The following PDE4D variants were observed in gnomAD, a reference collection of about 807,000 sequenced individuals.
PDE4D encodes the protein 3',5'-cyclic-AMP phosphodiesterase 4D.
Under a neutral mutation model 87.4 loss-of-function variants are expected in PDE4D, and 24 were observed. That is an observed-to-expected ratio of 0.27 (90% CI 0.20 to 0.39). The LOEUF (loss-of-function observed/expected upper bound fraction) is 0.39. Among genes scored for constraint, PDE4D ranks in the 10% least tolerant of loss-of-function variants. PDE4D has a pLI of 1.00. For missense variants in PDE4D, 714 were observed against 1,041.0 expected (o/e 0.69, Z 4.32); for synonymous variants, 384 against 383.2 (o/e 1.00, Z -0.02).
intron 1 of PDE4D, among the ~76,000 whole-genome samples, chr5:59,783,357 C>G (rs1764813681): frequency 6.6e-6 from 1 of 152,148 alleles, no homozygotes. Context: ...TTGGAGCCAT[C>G]CCAGGTTGAG....
At chr5:59,937,833 A>T (rs987133609) in intron 3 of PDE4D, among the ~76,000 whole-genome samples, 2 of 152,190 alleles carry the variant, frequency 1.3e-5, no homozygotes, top group Admixed American at 6.5e-5. Flanking sequence ...TGGAGTTTCA[A>T]TTTGAATCAT....
At chr5:59,785,119 A>G (rs1278013748) in intron 1 of PDE4D, among the ~76,000 whole-genome samples, 1 of 152,198 alleles carries the variant, frequency 6.6e-6, no homozygotes, top group Non-Finnish European at 1.5e-5. Flanking sequence ...TACTCAATAC[A>G]AAGAAATCCT....
intron 1 of PDE4D, among the ~76,000 whole-genome samples, chr5:60,458,379 T>G (rs542430323): frequency 1.7e-3 from 210 of 124,902 alleles, no homozygotes; most frequent in Non-Finnish European, 2.1e-3. Flanking sequence ...AGGGTGAGAC[T>G]TCATTGCAAA....
intron 1 of PDE4D, among the ~76,000 whole-genome samples, chr5:60,197,521 G>A (rs1028183745): frequency 1.3e-5 from 2 of 151,548 alleles, no homozygotes; most frequent in Non-Finnish European, 3.0e-5. Context: ...TTAAAGTAAA[G>A]ATCAAAGAGA....
At chr5:59,035,181 C>T (rs1758287722) in intron 6 of PDE4D, among the ~76,000 whole-genome samples, 1 of 152,198 alleles carries the variant, frequency 6.6e-6, no homozygotes. Context: ...GGCACATTGA[C>T]CACTAACCCT....
chr5:60,350,945 T>C (rs531442117), intron 1 of PDE4D, among the ~76,000 whole-genome samples: 10 of 152,246 alleles, frequency 6.6e-5, no homozygotes, highest in Non-Finnish European at 8.8e-5. Context: ...TCAGAGGCTG[T>C]GTGCCAAAGA....
Position 58,974,681 on chromosome 5 carries a change from G to A in PDE4D, c.2413C>T (p.Arg805Cys), listed in dbSNP as rs748667285. The change falls in exon 15 of 15, where the codon CGT becomes TGT. Residue 805 changes from arginine to cysteine, a missense_variant. By Grantham distance (180) the Arg-to-Cys change is radical. This residue lies in a region of PDE4D where 90 missense variants were observed against 95.3 expected (regional missense o/e 0.94). Coordinates refer to ENST00000340635, the MANE Select transcript of PDE4D (RefSeq NM_001104631.2). ...SQPEACVIDD[R>C]SPDT ...TTGCACTGTTACGTGTCAGGAGAACGATCATCTATGACACAGGCTTCAGGC... is the reference window on the plus strand; with the variant it reads ...TTGCACTGTTACGTGTCAGGAGAACAATCATCTATGACACAGGCTTCAGGC... 1.1e-5 allele frequency: 17 copies of A among 1,571,230 alleles called. No individual in the cohort carries two copies. Among genetic ancestry groups the A allele is most frequent in the African/African-American group, 9.6e-5 (7 of 72,782 alleles).
chr5:60,140,355 T>C (rs930047187), intron 2 of PDE4D, among the ~76,000 whole-genome samples: 2 of 152,030 alleles, frequency 1.3e-5, no homozygotes, highest in South Asian at 2.1e-4. Flanking sequence ...AATTGAATTA[T>C]AGAATTTGCA....
intron 1 of PDE4D, among the ~76,000 whole-genome samples, chr5:60,473,736 T>A (rs1163227610): frequency 6.6e-6 from 1 of 151,956 alleles, no homozygotes; most frequent in Non-Finnish European, 1.5e-5. Context: ...AAAGAGCTCA[T>A]CTGGCATGCA....
chr5:59,570,205 T>C (rs2153695253), intron 1 of PDE4D, among the ~76,000 whole-genome samples: 1 of 152,324 alleles, frequency 6.6e-6, no homozygotes, highest in South Asian at 2.1e-4. Flanking sequence ...TCTTTCTTTG[T>C]TCTAGCTACA....
At chr5:59,100,431 A>G (rs571893004) in intron 5 of PDE4D, among the ~76,000 whole-genome samples, 1 of 151,666 alleles carries the variant, frequency 6.6e-6, no homozygotes, top group Admixed American at 6.5e-5. Flanking sequence ...TCTCCAAGGT[A>G]TATGTCAATT....
At chr5:59,224,710 C>T (rs153982) in intron 1 of PDE4D, among the ~76,000 whole-genome samples, 42,060 of 152,038 alleles carry the variant, frequency 0.28, 6,289 homozygotes, top group African/African-American at 0.38. Flanking sequence ...ATATGTTAAA[C>T]GAGGCCATAT....
intron 1 of PDE4D, among the ~76,000 whole-genome samples, chr5:59,573,178 C>T (rs1822172863): frequency 1.3e-5 from 2 of 152,162 alleles, no homozygotes; most frequent in Admixed American, 1.3e-4. Context: ...CCCTCTGCCT[C>T]CCTTGAGATC....
intron 1 of PDE4D, among the ~76,000 whole-genome samples, chr5:59,219,436 AAATT>A (rs1203207204): frequency 5.9e-5 from 9 of 152,164 alleles, no homozygotes; most frequent in African/African-American, 2.2e-4. Context: ...CTTATAATCA[AAATT>A]AATTATCAAG....
intron 1 of PDE4D, among the ~76,000 whole-genome samples, chr5:59,219,355 C>T (rs1322572765): frequency 6.6e-6 from 1 of 151,972 alleles, no homozygotes; most frequent in Admixed American, 6.6e-5. Flanking sequence ...TCTCAGAATA[C>T]GGTTTGTTCT....
At chr5:60,297,667 T>G (rs1583336774) in intron 1 of PDE4D, among the ~76,000 whole-genome samples, 1 of 152,204 alleles carries the variant, frequency 6.6e-6, no homozygotes, top group Non-Finnish European at 1.5e-5. Context: ...CACTTTATAA[T>G]AAAATTGCTG....
chr5:59,271,982 G>C (rs954096709), intron 1 of PDE4D, among the ~76,000 whole-genome samples: 17 of 151,116 alleles, frequency 1.1e-4, no homozygotes, highest in African/African-American at 4.1e-4. Context: ...AATTTTTTCT[G>C]CATCTACAAA....
At chr5:59,875,062 T>C (rs139246851) in intron 1 of PDE4D, among the ~76,000 whole-genome samples, 220 of 152,294 alleles carry the variant, frequency 1.4e-3, no homozygotes, top group African/African-American at 5.1e-3. Context: ...ATCCCACTTA[T>C]AATATCTACA....
intron 1 of PDE4D, among the ~76,000 whole-genome samples, chr5:60,280,385 G>A (rs1422055749): frequency 6.6e-6 from 1 of 151,506 alleles, no homozygotes; most frequent in East Asian, 1.9e-4. Context: ...TTTAGCAGGA[G>A]GAATAGGGAA....
Sources: gnomAD v4.1 joint callset for allele counts (sites outside exome capture counted in the v4.1 genomes callset) on GRCh38, gnomAD v4.1.1 for gene constraint, gnomAD v4.1.1 regional missense constraint, MANE v1.5 for transcripts, NCBI Gene and HGNC (gene_info 2026-07-23, HGNC 2026-07-21) for gene names.